The following LHFPL6 variants were observed in gnomAD, a reference collection of about 807,000 sequenced individuals.
LHFPL6 encodes the protein LHFPL tetraspan subfamily member 6.
A neutral mutation model predicts 20.6 loss-of-function variants in LHFPL6; 9 were observed. The ratio of observed to expected loss-of-function variants is 0.44; its 90% CI spans 0.26 to 0.76. LHFPL6 has a LOEUF of 0.76. Among genes scored for constraint, LHFPL6 ranks in the 30% least tolerant of loss-of-function variants. The pLI is 0.20. For missense variants in LHFPL6, 218 were observed against 253.5 expected (o/e 0.86, Z 0.95); for synonymous variants, 105 against 98.7 (o/e 1.06, Z -0.38).
chr13:39,417,527 C>T (rs1016050711), intron 2 of LHFPL6, among the ~76,000 whole-genome samples: 13 of 152,292 alleles, frequency 8.5e-5, no homozygotes, highest in South Asian at 4.1e-4. Flanking sequence ...GCAAAAGAGA[C>T]GGAGGGAAGG....
intron 2 of LHFPL6, among the ~76,000 whole-genome samples, chr13:39,472,907 G>A (rs577092627): frequency 6.0e-4 from 91 of 152,232 alleles, no homozygotes; most frequent in African/African-American, 1.9e-3. Flanking sequence ...CACCGTGCCC[G>A]GCCCCCTTCT....
intron 2 of LHFPL6, among the ~76,000 whole-genome samples, chr13:39,598,316 T>C (rs1030158210): frequency 2.6e-5 from 4 of 151,642 alleles, no homozygotes; most frequent in African/African-American, 9.7e-5. Flanking sequence ...CTGGTCTCCA[T>C]TAAGTAACAG....
chr13:39,356,672 A>T (rs1014089208), intron 3 of LHFPL6, among the ~76,000 whole-genome samples: 1 of 152,246 alleles, frequency 6.6e-6, no homozygotes, highest in Non-Finnish European at 1.5e-5. Context: ...ATCAGAATTG[A>T]CAAAGATGAC....
intron 2 of LHFPL6, among the ~76,000 whole-genome samples, chr13:39,425,099 C>T (rs929043919): frequency 4.6e-5 from 7 of 152,092 alleles, no homozygotes; most frequent in Non-Finnish European, 7.4e-5. Context: ...CCACAGGCAA[C>T]TATGGATTGC....
intron 2 of LHFPL6, among the ~76,000 whole-genome samples, chr13:39,590,693 T>G (rs1260333099): frequency 6.6e-6 from 1 of 152,226 alleles, no homozygotes; most frequent in Non-Finnish European, 1.5e-5. Context: ...TTGAATCATG[T>G]AAGTATCATT....
intron 2 of LHFPL6, among the ~76,000 whole-genome samples, chr13:39,567,038 T>TC (rs201183456): frequency 0.35 from 53,015 of 150,194 alleles, 9,851 homozygotes; most frequent in African/African-American, 0.48. Flanking sequence ...GGTTTTTTTT[T>TC]TTTTTTCATT....
chr13:39,396,030 G>C (rs1870832627), intron 2 of LHFPL6, among the ~76,000 whole-genome samples: 1 of 152,176 alleles, frequency 6.6e-6, no homozygotes. Context: ...TGAAGGCATA[G>C]GGTTTTACTT....
intron 2 of LHFPL6, among the ~76,000 whole-genome samples, chr13:39,594,644 G>A (rs1479488346): frequency 6.6e-6 from 1 of 152,122 alleles, no homozygotes; most frequent in Non-Finnish European, 1.5e-5. Flanking sequence ...TATAAAACAT[G>A]CTGCTATAAA....
At chr13:39,368,511 G>C (rs1170012239) in intron 3 of LHFPL6, among the ~76,000 whole-genome samples, 1 of 152,066 alleles carries the variant, frequency 6.6e-6, no homozygotes, top group Non-Finnish European at 1.5e-5. Flanking sequence ...GAACCTGAAA[G>C]GTGGAGGTTG....
intron 2 of LHFPL6, among the ~76,000 whole-genome samples, chr13:39,382,201 T>A (rs1022784627): frequency 1.3e-5 from 2 of 152,162 alleles, no homozygotes; most frequent in Admixed American, 6.5e-5. Flanking sequence ...ATACCAAGTT[T>A]CCCTTTAAAA....
chr13:39,443,137 T>C (rs1872184605), intron 2 of LHFPL6, among the ~76,000 whole-genome samples: 2 of 152,184 alleles, frequency 1.3e-5, no homozygotes, highest in Non-Finnish European at 2.9e-5. Context: ...AATGTTACTA[T>C]GGGAGTGAGC....
At chr13:39,401,315 C>T (rs1870984991) in intron 2 of LHFPL6, among the ~76,000 whole-genome samples, 1 of 152,204 alleles carries the variant, frequency 6.6e-6, no homozygotes, top group Non-Finnish European at 1.5e-5. Context: ...CAGTTTGTTC[C>T]TCCCTCTCTG....
intron 3 of LHFPL6, among the ~76,000 whole-genome samples, chr13:39,376,727 C>T (rs1266262938): frequency 3.9e-5 from 6 of 152,060 alleles, no homozygotes; most frequent in Non-Finnish European, 7.4e-5. Context: ...AATTCCCTCA[C>T]AATTTTTCTT....
chr13:39,453,077 T>G (rs760170915), intron 2 of LHFPL6, among the ~76,000 whole-genome samples: 21 of 152,212 alleles, frequency 1.4e-4, no homozygotes, highest in Admixed American at 2.6e-4. Context: ...AGAAGCCTGC[T>G]GACTTCACTC....
intron 2 of LHFPL6, among the ~76,000 whole-genome samples, chr13:39,436,050 G>C (rs1464955322): frequency 6.6e-6 from 1 of 151,374 alleles, no homozygotes; most frequent in Non-Finnish European, 1.5e-5. Flanking sequence ...AATATGTTAA[G>C]CTTTTCTCAG....
At chr13:39,600,596 T>G (rs1465759047) in intron 2 of LHFPL6, among the ~76,000 whole-genome samples, 1 of 152,206 alleles carries the variant, frequency 6.6e-6, no homozygotes, top group East Asian at 1.9e-4. Flanking sequence ...TTCACATAGG[T>G]GGCACTTAGC....
intron 2 of LHFPL6, among the ~76,000 whole-genome samples, chr13:39,435,648 A>C (rs1871938055): frequency 6.6e-6 from 1 of 152,198 alleles, no homozygotes; most frequent in East Asian, 1.9e-4. Flanking sequence ...TGTATATACT[A>C]CATACATAGA....
rs111776507 is a variant in LHFPL6 at position 39,587,534 on chromosome 13, T to C, written c.385+13298A>G. On this transcript the variant is annotated intron_variant, in intron 2 of 3. Transcript: ENST00000379589. ...TTTGGTCTAGTCACCAAAAATCCTA[T>C]AAGTTCATAGCAAGACACAATCCTC... Among the ~76,000 whole-genome samples, 857 of 152,170 alleles carry C rather than the reference T, an allele frequency of 5.6e-3. 10 individuals are homozygous for C. The highest frequency in any genetic ancestry group is 0.019 in the African/African-American group (778 of 41,516).
chr13:39,599,071 A>T (rs1415272726), intron 2 of LHFPL6, among the ~76,000 whole-genome samples: 1 of 152,158 alleles, frequency 6.6e-6, no homozygotes, highest in South Asian at 2.1e-4. Context: ...GGAACCATAA[A>T]TCTCATGGGT....
Sources: gnomAD v4.1 joint callset for allele counts (sites outside exome capture counted in the v4.1 genomes callset) on GRCh38, gnomAD v4.1.1 for gene constraint, MANE v1.5 for transcripts, NCBI Gene and HGNC (gene_info 2026-07-23, HGNC 2026-07-21) for gene names.